SLC66A1: variants seen among roughly 807,000 people sequenced by gnomAD.
SLC66A1 encodes lysosomal amino acid transporter 1 homolog.
SLC66A1 carries 23 observed loss-of-function variants against 33.0 expected under a neutral mutation model. The observed-to-expected ratio is 0.70, with a 90% CI of 0.50 to 0.99. SLC66A1 has a LOEUF of 0.99. Among genes scored for constraint, SLC66A1 ranks in the 50% least tolerant of loss-of-function variants. The probability of loss-of-function intolerance (pLI) is 0.00; values close to 1 mark genes in which losing one functional copy is unlikely to be tolerated. For synonymous variants in SLC66A1, 164 were observed against 175.5 expected, an observed-to-expected ratio of 0.93 and a Z score of 0.52; for missense variants, 335 against 383.6, an observed-to-expected ratio of 0.87 and a Z score of 1.06.
intron 2 of SLC66A1, among the ~76,000 whole-genome samples, chr1:19,320,631 G>C (rs1033299329): frequency 2.0e-5 from 3 of 151,698 alleles, no homozygotes; most frequent in Non-Finnish European, 1.5e-5. Flanking sequence ...TAGCCAGGAT[G>C]GTCTCGATTT....
chr1:19,326,753 G>A (rs529696400), intron 6 of SLC66A1, 130 bp downstream of exon 6: 144 of 1,000,736 alleles, frequency 1.4e-4, no homozygotes, highest in South Asian at 4.5e-4. Context: ...TCCCGCTGTT[G>A]GCTTGGGCAA....
Position 19,328,153 on chromosome 1 carries a change from G to A in SLC66A1, c.805-419G>A. 2 of 301,484 alleles carry A rather than the reference G, an allele frequency of 6.6e-6. No individual in the cohort carries two copies. The highest frequency in any genetic ancestry group is 6.4e-6 in the Non-Finnish European group (1 of 156,984). 18.7% of individuals were successfully genotyped at this position (301,484 alleles called of 1,614,324 possible). On this transcript the variant is annotated intron_variant, in intron 7 of 7. Transcript: ENST00000375153. This position sits in a 1 kb window ranked among gnomAD's most constrained non-coding sequence, Gnocchi z 4.7. ...AGCGTTACCTGGGTCTCATTTCGGA[G>A]CAAGTAAACATGGCCTTTGTTTTAA... is the stretch of plus-strand genomic sequence containing the variant.
At chr1:19,327,116 T>G in intron 6 of SLC66A1, 111 bp from the exon 7 acceptor site, 1 of 1,108,034 alleles carries the variant, frequency 9.0e-7, no homozygotes, top group Non-Finnish European at 1.3e-6. Context: ...CAGGGAAAGA[T>G]TGGCTCAGAG....
At chr1:19,322,596 T>A (rs12097437) in intron 2 of SLC66A1, among the ~76,000 whole-genome samples, 3,550 of 152,190 alleles carry the variant, frequency 0.023, 143 homozygotes, top group African/African-American at 0.08. Context: ...GTCAAGTGTT[T>A]CAAAGGAGGA....
chr1:19,316,841 ATTTCT>A (rs1167150158), intron 1 of SLC66A1, among the ~76,000 whole-genome samples: 1 of 97,178 alleles, frequency 1.0e-5, no homozygotes, highest in African/African-American at 4.0e-5. Flanking sequence ...TAATTTTTGT[ATTTCT>A]TTTCTTTTCT....
intron 6 of SLC66A1, among the ~76,000 whole-genome samples, chr1:19,326,922 G>A (rs2093871002): frequency 6.6e-6 from 1 of 152,180 alleles, no homozygotes; most frequent in African/African-American, 2.4e-5. Flanking sequence ...AGGAGAAGCT[G>A]GGGAGTCGGG....
chr1:19,324,106 C>T (rs928820486), intron 2 of SLC66A1, among the ~76,000 whole-genome samples: 1 of 152,262 alleles, frequency 6.6e-6, no homozygotes, highest in Non-Finnish European at 1.5e-5. Context: ...GCCTCAGCCC[C>T]GCCCTTCTCT....
intron 2 of SLC66A1, among the ~76,000 whole-genome samples, chr1:19,320,510 T>C (rs1314774385): frequency 6.8e-6 from 1 of 145,996 alleles, no homozygotes; most frequent in African/African-American, 2.6e-5. Context: ...GCCTTCCGGG[T>C]TCACGCCATT....
chr1:19,317,041 A>G (rs1336969789), intron 1 of SLC66A1, among the ~76,000 whole-genome samples: 1 of 150,782 alleles, frequency 6.6e-6, no homozygotes, highest in Admixed American at 6.7e-5. Flanking sequence ...GATTACCGGC[A>G]TGAGCCATCA....
rs563040833 is a variant in SLC66A1 at position 19,317,841 on chromosome 1, C to T, written c.164C>T (p.Pro55Leu). Residue 55 changes from proline to leucine, a missense_variant and splice_region_variant, in exon 2 of 8, where the codon CCC becomes CTC. Pro to Leu is a moderately conservative substitution (Grantham distance 98, BLOSUM62 -3). Transcript: ENST00000375153. ...CTCTGCTTTGCTGCATCTACCTTCC[C>T]GTGAGTAGTGTCTTGGTGGCAGGAC... ...SILCFAASTF[P>L]QFIKAYKTGN... The T allele has an allele frequency of 4.3e-6, 7 of 1,612,988 alleles. No individual in the cohort carries two copies. The highest frequency in any genetic ancestry group is 2.2e-5 in the East Asian group (1 of 44,854).
Position 19,325,641 on chromosome 1 carries a change from G to C in SLC66A1, c.382+59G>C, listed in dbSNP as rs61077276. The C allele has an allele frequency of 1.1e-4, 115 of 1,058,950 alleles. 3 individuals are homozygous for C. The highest frequency in any genetic ancestry group is 8.1e-4 in the East Asian group (31 of 38,366). 65.6% of individuals were successfully genotyped at this position (1,058,950 alleles called of 1,614,324 possible). ...TACCAGCAGCAGGGGGCAGTTGTGG[G>C]GGGGGGCGCCTGGAGTGTGGGAGGA... On this transcript the variant is annotated intron_variant, in intron 4 of 7. Transcript: ENST00000375153.
chr1:19,325,546 T>C lies in SLC66A1; in HGVS notation c.346T>C (p.Tyr116His). 6.2e-7 allele frequency: 1 copy of C among 1,609,536 alleles called. No homozygotes were observed. The highest frequency in any genetic ancestry group is 8.5e-7 in the Non-Finnish European group (1 of 1,176,472). The change falls in exon 4 of 8, where the codon TAC becomes CAC. Residue 116 changes from tyrosine to histidine, a missense_variant. Transcript: ENST00000375153. ...VLADLVMLTL[Y>H]FYYKFRTRPS... is the part of the protein sequence containing the mutation. ...GGCAGACCTGGTGATGCTGACGCTG[T>C]ACTTTTACTACAAGTTCAGGACGCG...
intron 2 of SLC66A1, among the ~76,000 whole-genome samples, chr1:19,318,939 A>G (rs1157266348): frequency 6.6e-6 from 1 of 152,214 alleles, no homozygotes; most frequent in Non-Finnish European, 1.5e-5. Context: ...CAGCAGATGT[A>G]CAGAGAAGGG....
At chr1:19,314,777 G>C (rs2093796117) in intron 1 of SLC66A1, among the ~76,000 whole-genome samples, 1 of 152,232 alleles carries the variant, frequency 6.6e-6, no homozygotes, top group Non-Finnish European at 1.5e-5. Context: ...CTTGTGTTCA[G>C]ACTCTGCAAG....
rs375853723 is a variant in SLC66A1, at chr1:19,326,394, C to T, written c.525+7C>T. ...CGTGGAGTCGGGCAGCAAGGTGAGG[C>T]GTGGGCGTGGCGGTCGAAGGGATGG... On this transcript the variant is annotated splice_region_variant and intron_variant, in intron 5 of 7. Transcript: ENST00000375153. The T allele has an allele frequency of 8.7e-6, 14 of 1,606,000 alleles. No homozygotes were observed. The highest frequency in any genetic ancestry group is 2.2e-5 in the East Asian group (1 of 44,788).
In SLC66A1 at chr1:19,312,367, G is replaced by T. The variant is rs937906607; in HGVS notation, c.-601G>T. ...CGGCGGATCTGGACGTGGTGAGCCG[G>T]ACCGGGGGCAGGTGGCAAACTTCAC... is the stretch of plus-strand genomic sequence containing the variant. On this transcript the variant is annotated 5_prime_UTR_variant, in exon 1 of 8. Coordinates refer to ENST00000375153, the MANE Select transcript of SLC66A1 (RefSeq NM_001040125.2). 1 of 247,514 alleles carries T rather than the reference G, an allele frequency of 4.0e-6. No individual in the cohort carries two copies. Among genetic ancestry groups the T allele is most frequent in the Non-Finnish European group, 7.6e-6 (1 of 132,002 alleles). The allele number at this position is 247,514 out of a possible 1,614,324, so 15.3% of individuals were successfully genotyped here. A position where few individuals can be genotyped will look rare whatever the true frequency, so the allele number is the denominator to read the frequency against.
chr1:19,327,138 T>A, intron 6 of SLC66A1, 89 bp from the exon 7 acceptor site: 1 of 1,299,896 alleles, frequency 7.7e-7, no homozygotes, highest in Non-Finnish European at 1.1e-6. Flanking sequence ...AGGTGCACTG[T>A]GGTGGGGCAG....
At chr1:19,321,383 T>C (rs1458596151) in intron 2 of SLC66A1, among the ~76,000 whole-genome samples, 1 of 148,770 alleles carries the variant, frequency 6.7e-6, no homozygotes, top group Non-Finnish European at 1.5e-5. Context: ...TCTCACTGTA[T>C]TGTCCAGGCT....
Position 19,326,298 on chromosome 1 carries a change from A to G in SLC66A1, c.436A>G (p.Thr146Ala), listed in dbSNP as rs768180270. 3 of 1,607,074 alleles carry G rather than the reference A, an allele frequency of 1.9e-6. No individual in the cohort carries two copies. Among genetic ancestry groups the G allele is most frequent in the Admixed American group, 1.7e-5 (1 of 60,008 alleles). Reference sequence around the variant, plus strand: ...GTTCCTCATGGGGATGGCGTGCGCCACACCGCTGCTGAGTGCTGCTGGGCC... The same window carrying G: ...GTTCCTCATGGGGATGGCGTGCGCCGCACCGCTGCTGAGTGCTGCTGGGCC... ...LLFLMGMACA[T>A]PLLSAAGPVA... Residue 146 changes from threonine to alanine, a missense_variant, in exon 5 of 8, where the codon ACA (threonine) becomes GCA (alanine). By Grantham distance (58) the Thr-to-Ala change is moderately conservative. Transcript: ENST00000375153.
Sources: allele counts gnomAD v4.1 joint callset (sites outside exome capture counted in the v4.1 genomes callset), GRCh38; gene constraint gnomAD v4.1.1; non-coding constraint Gnocchi (gnomAD v3.1); transcripts MANE v1.5; gene names NCBI Gene and HGNC (gene_info 2026-07-23, HGNC 2026-07-21).